Variants in SLC43A2 observed in about 807,000 individuals in gnomAD.
The protein encoded by SLC43A2 is large neutral amino acids transporter small subunit 4.
A neutral mutation model predicts 63.2 loss-of-function variants in SLC43A2; 38 were observed. The observed-to-expected ratio is 0.60, with a 90% CI of 0.46 to 0.79. SLC43A2 has a LOEUF of 0.79. SLC43A2 is among the 30% of genes least tolerant of loss of function. The pLI is 0.00. For missense variants in SLC43A2, 644 were observed against 756.2 expected, an observed-to-expected ratio of 0.85 and a Z score of 1.74; for synonymous variants, 322 against 331.0, an observed-to-expected ratio of 0.97 and a Z score of 0.30.
chr17:1,600,152 A>ATATATATATATATATATATTTTTTTTTT (rs1216616243), intron 5 of SLC43A2, among the ~76,000 whole-genome samples: 15 of 60,266 alleles, frequency 2.5e-4, no homozygotes, highest in Non-Finnish European at 4.8e-4. Context: ...ATATATATAT[A>ATATATATATATATATATATTTTTTTTTT]TTTTTTTTTT....
At chr17:1,615,266 C>T (rs911702823) in intron 3 of SLC43A2, among the ~76,000 whole-genome samples, 15 of 151,788 alleles carry the variant, frequency 9.9e-5, no homozygotes, top group African/African-American at 2.2e-4. Flanking sequence ...CCCACCACCA[C>T]GCGTGGCTAA....
In SLC43A2 at chr17:1,625,391, G is replaced by A. The variant is rs538213590; in HGVS notation, c.160+2324C>T. The stretch of plus-strand genomic sequence containing the variant: ...AATTTTCTTTAGAGAACAAACTAAA[G>A]CATCGTCCTAGAGTGACACGAAGCT... On this transcript the variant is annotated intron_variant, in intron 2 of 13. Coordinates refer to ENST00000301335, the MANE Select transcript of SLC43A2 (RefSeq NM_152346.3). Among the ~76,000 whole-genome samples the A allele has an allele frequency of 5.3e-5, 8 of 152,318 alleles. No individual in the cohort carries two copies. The East Asian group carries it at 1.3e-3, about 26-fold the overall frequency.
At chr17:1,600,071 C>A (rs1905784531) in intron 5 of SLC43A2, among the ~76,000 whole-genome samples, 1 of 133,760 alleles carries the variant, frequency 7.5e-6, no homozygotes, top group Non-Finnish European at 1.6e-5. Context: ...TTATATTTGT[C>A]CTTTTTTTCT....
chr17:1,581,469 C>T (rs768081355), intron 11 of SLC43A2, among the ~76,000 whole-genome samples: 18 of 152,206 alleles, frequency 1.2e-4, no homozygotes, highest in East Asian at 3.8e-4. Flanking sequence ...GCGCTCTGCA[C>T]GCCCAGTGTT....
intron 5 of SLC43A2, chr17:1,604,865 C>G: frequency 6.5e-7 from 1 of 1,535,630 alleles, no homozygotes; most frequent in Non-Finnish European, 8.7e-7. Context: ...TTCCCCCTCT[C>G]GCTCACTCCG....
chr17:1,615,596 C>T (rs907667104), intron 3 of SLC43A2, among the ~76,000 whole-genome samples: 7 of 149,888 alleles, frequency 4.7e-5, no homozygotes, highest in South Asian at 2.1e-4. Context: ...GTAATCCCAG[C>T]ACTTTGGGAG....
intron 2 of SLC43A2, among the ~76,000 whole-genome samples, chr17:1,617,588 A>C (rs918380329): frequency 6.6e-6 from 1 of 152,012 alleles, no homozygotes; most frequent in African/African-American, 2.4e-5. Context: ...ATGGGGTTTC[A>C]TCATGTTGCC....
intron 3 of SLC43A2, 89 bp downstream of exon 3, chr17:1,616,473 T>C (rs1485787129): frequency 7.7e-7 from 1 of 1,295,128 alleles, no homozygotes; most frequent in Non-Finnish European, 1.1e-6. Flanking sequence ...ACACCTGATA[T>C]CAGGTACGAC....
intron 5 of SLC43A2, among the ~76,000 whole-genome samples, chr17:1,603,740 G>A (rs573037683): frequency 8.9e-4 from 135 of 152,222 alleles, no homozygotes; most frequent in African/African-American, 3.2e-3. Flanking sequence ...AGTTGAGATC[G>A]CGCCATTGCA....
At chr17:1,579,138 CAAA>C (rs143230532) in intron 11 of SLC43A2, among the ~76,000 whole-genome samples, 41 of 135,672 alleles carry the variant, frequency 3.0e-4, no homozygotes, top group Admixed American at 7.5e-5. Flanking sequence ...GACTCTGTCT[CAAA>C]AAAAAAAAAT....
At chr17:1,608,355 A>C (rs1184148610) in intron 5 of SLC43A2, among the ~76,000 whole-genome samples, 1 of 151,948 alleles carries the variant, frequency 6.6e-6, no homozygotes, top group Non-Finnish European at 1.5e-5. Context: ...GTGGGAGAGC[A>C]AAGAGTGAAT....
chr17:1,575,667 C>A lies in SLC43A2; in HGVS notation c.1647G>T (p.Arg549Ser), dbSNP rs1171444926. ...RRQLERQLQQ[R>S]QEDDKLFLKI... ...TGAGGAAGAGTTTGTCATCCTCCTG[C>A]CTCTGCTGCAGCTGCCGCTCCAGCT... The change falls in exon 14 of 14, where the codon AGG becomes AGT. Residue 549 changes from arginine (R) to serine (S), a missense_variant. Physicochemically the swap from Arg to Ser is moderately radical, Grantham distance 110 (BLOSUM62 -1). Transcript: ENST00000301335. 6.2e-7 allele frequency: 1 copy of A among 1,614,038 alleles called. No homozygotes were observed. The highest frequency in any genetic ancestry group is 1.1e-5 in the South Asian group (1 of 91,082).
At chr17:1,622,907 C>G (rs1377690453) in intron 2 of SLC43A2, among the ~76,000 whole-genome samples, 1 of 150,544 alleles carries the variant, frequency 6.6e-6, no homozygotes, top group Non-Finnish European at 1.5e-5. Context: ...GAGTGAAACT[C>G]CATCTCAAAA....
chr17:1,623,732 A>C (rs1285114374), intron 2 of SLC43A2, among the ~76,000 whole-genome samples: 2 of 89,706 alleles, frequency 2.2e-5, no homozygotes, highest in Non-Finnish European at 2.2e-5. Context: ...TCCAGGCTGT[A>C]CCCTCCTCTC....
chr17:1,624,697 C>A (rs902176199), intron 2 of SLC43A2, among the ~76,000 whole-genome samples: 1 of 151,864 alleles, frequency 6.6e-6, no homozygotes, highest in African/African-American at 2.4e-5. Context: ...TTGAGACCAG[C>A]CTAGGCAACA....
At chr17:1,626,011 A>AC (rs1395207775) in intron 2 of SLC43A2, among the ~76,000 whole-genome samples, 6 of 150,830 alleles carry the variant, frequency 4.0e-5, no homozygotes, top group Admixed American at 3.3e-4. Context: ...CTATTAAAAA[A>AC]AAACAAAAAA....
chr17:1,629,346 C>G (rs569654017), upstream of SLC43A2, among the ~76,000 whole-genome samples: 1 of 152,264 alleles, frequency 6.6e-6, no homozygotes, highest in East Asian at 1.9e-4. Flanking sequence ...GCAGCGCCGC[C>G]GTCCCCGCCG....
At chr17:1,615,282 T>C (rs56212206) in intron 3 of SLC43A2, among the ~76,000 whole-genome samples, 75,319 of 151,130 alleles carry the variant, frequency 0.5, 20,631 homozygotes, top group Non-Finnish European at 0.63. Flanking sequence ...GCTAATTTTT[T>C]TATTTTTAGT....
chr17:1,572,981 TG>T lies in SLC43A2; in HGVS notation c.*2622del, dbSNP rs1273323818. On this transcript the variant is annotated 3_prime_UTR_variant, in exon 14 of 14. Transcript: ENST00000301335. ...TCAGCCCAGGAGTTCCAGACCAGCC[TG>T]GGCAAAATAGCAAGAATTCATCTTT... The T allele has an allele frequency of 6.6e-6, 1 of 151,892 alleles. No homozygotes were observed. Among genetic ancestry groups the T allele is most frequent in the Admixed American group, 6.6e-5 (1 of 15,222 alleles). 9.4% of individuals were successfully genotyped at this position (151,892 alleles called of 1,614,324 possible). A position where few individuals can be genotyped will look rare whatever the true frequency, so the allele number is the denominator to read the frequency against.
Sources: gnomAD v4.1 joint callset for allele counts (sites outside exome capture counted in the v4.1 genomes callset) on GRCh38, gnomAD v4.1.1 for gene constraint, MANE v1.5 for transcripts, NCBI Gene and HGNC (gene_info 2026-07-23, HGNC 2026-07-21) for gene names.